MSI2: variants seen among roughly 807,000 people sequenced by gnomAD.
MSI2 encodes musashi RNA binding protein 2.
A neutral mutation model predicts 45.6 loss-of-function variants in MSI2; 17 were observed. The ratio of observed to expected loss-of-function variants is 0.37; its 90% CI spans 0.26 to 0.56. MSI2 has a LOEUF of 0.56. Among genes scored for constraint, MSI2 ranks in the 20% least tolerant of loss-of-function variants. The pLI is 0.77. For missense variants in MSI2, 293 were observed against 444.2 expected (o/e 0.66, Z 3.06); for synonymous variants, 156 against 158.2 (o/e 0.99, Z 0.11).
chr17:57,635,658 C>T (rs1377433052), intron 10 of MSI2, among the ~76,000 whole-genome samples: 1 of 152,088 alleles, frequency 6.6e-6, no homozygotes, highest in Admixed American at 6.5e-5. Flanking sequence ...GGCAGCACAG[C>T]TCCCCAGGCA....
At chr17:57,507,293 C>T (rs973339584) in intron 6 of MSI2, among the ~76,000 whole-genome samples, 3 of 147,180 alleles carry the variant, frequency 2.0e-5, no homozygotes, top group South Asian at 2.2e-4. Context: ...CCCCCACCCC[C>T]GACAATGACT....
intron 10 of MSI2, among the ~76,000 whole-genome samples, chr17:57,651,544 G>A (rs1044827137): frequency 6.6e-6 from 1 of 152,246 alleles, no homozygotes; most frequent in Non-Finnish European, 1.5e-5. Context: ...CTGACTTCAT[G>A]TTTTGACAAA....
At chr17:57,256,292 C>A (rs1906700891), upstream of MSI2, among the ~76,000 whole-genome samples, 1 of 151,564 alleles carries the variant, frequency 6.6e-6, no homozygotes, top group Non-Finnish European at 1.5e-5. Flanking sequence ...CCCCTCCGCC[C>A]GCGGGGTTCG....
At chr17:57,320,978 T>TC (rs1189961064) in intron 5 of MSI2, among the ~76,000 whole-genome samples, 6 of 151,892 alleles carry the variant, frequency 4.0e-5, no homozygotes, top group African/African-American at 1.5e-4. Flanking sequence ...CCCTCCTTGT[T>TC]CCCCTCCTAC....
At chr17:57,334,062 G>A (rs766241335) in intron 5 of MSI2, among the ~76,000 whole-genome samples, 7 of 152,098 alleles carry the variant, frequency 4.6e-5, no homozygotes, top group Non-Finnish European at 8.8e-5. Flanking sequence ...GTCTCCTCCT[G>A]TCCTTCCCCC....
chr17:57,459,032 A>G (rs2085172291), intron 6 of MSI2, among the ~76,000 whole-genome samples: 1 of 152,154 alleles, frequency 6.6e-6, no homozygotes, highest in Non-Finnish European at 1.5e-5. Flanking sequence ...TCTTTGTAAG[A>G]GCTGGATGGA....
chr17:57,588,880 G>T (rs1904556460), intron 7 of MSI2, among the ~76,000 whole-genome samples: 1 of 152,140 alleles, frequency 6.6e-6, no homozygotes, highest in Non-Finnish European at 1.5e-5. Context: ...GAGAACACAG[G>T]GTCCCACTGG....
chr17:57,397,486 C>T (rs978701880), intron 5 of MSI2, among the ~76,000 whole-genome samples: 6 of 152,200 alleles, frequency 3.9e-5, no homozygotes, highest in African/African-American at 1.2e-4. Context: ...GATGGGAATT[C>T]GAGGACCTCC....
Position 57,345,022 on chromosome 17 carries a change from C to G in MSI2, c.313-56357C>G, listed in dbSNP as rs1319144240. Among the ~76,000 whole-genome samples the G allele has an allele frequency of 2.0e-5, 3 of 152,198 alleles. No homozygotes were observed. In the East Asian group the frequency reaches 5.8e-4, roughly 29 times the overall value. ...AGCTTGCAGTGAGCCGAGATTGTGC[C>G]ACTGTACTCCAGCCTGGGCGACAGG... On this transcript the variant is annotated intron_variant, in intron 5 of 13. Coordinates refer to ENST00000284073, the MANE Select transcript of MSI2 (RefSeq NM_138962.4).
intron 5 of MSI2, among the ~76,000 whole-genome samples, chr17:57,357,719 G>T (rs1400988381): frequency 1.3e-5 from 2 of 152,208 alleles, no homozygotes; most frequent in Non-Finnish European, 2.9e-5. Flanking sequence ...GGGCTTTTGT[G>T]TATGTGTCGT....
chr17:57,409,970 T>C (rs973261504), intron 6 of MSI2, among the ~76,000 whole-genome samples: 1 of 124,054 alleles, frequency 8.1e-6, no homozygotes, highest in African/African-American at 3.0e-5. Flanking sequence ...ATCGTGCCAC[T>C]GCACTCTAGC....
At chr17:57,514,083 A>T (rs963122711) in intron 6 of MSI2, among the ~76,000 whole-genome samples, 9 of 152,148 alleles carry the variant, frequency 5.9e-5, no homozygotes, top group African/African-American at 2.2e-4. Context: ...GATTTCAACA[A>T]GAATTTGTCT....
chr17:57,665,866 C>G lies in MSI2; in HGVS notation c.791-9106C>G, dbSNP rs117267323. On this transcript the variant is annotated intron_variant, in intron 11 of 13. Transcript: ENST00000284073. ...CCTCTGGCAGTGCCCTCTCTGCTTC[C>G]ACGCTGACCCCACCAGTACTGCAAG... 9.0e-4 allele frequency among the ~76,000 whole-genome samples: 137 copies of G among 152,294 alleles called. 1 individual carries two copies. The highest frequency in any genetic ancestry group is 1.6e-3 in the Non-Finnish European group (112 of 68,026).
rs532733469 is a variant in MSI2 at position 57,529,176 on chromosome 17, C to G, written c.406-500C>G. ...CCAGGCCTGGAGCAGTGGCTCACAC[C>G]TATAATCTCAGCGCTTTGAAAGGCT... On this transcript the variant is annotated intron_variant, in intron 6 of 13. Transcript: ENST00000284073. This position sits in a 1 kb window ranked among gnomAD's most constrained non-coding sequence, Gnocchi z 5.3. 1.8e-4 allele frequency among the ~76,000 whole-genome samples: 27 copies of G among 152,178 alleles called. No homozygotes were observed. In the East Asian group the frequency reaches 5.2e-3, roughly 29 times the overall value.
downstream of MSI2, among the ~76,000 whole-genome samples, chr17:57,688,329 G>GA (rs1294067522): frequency 1.3e-5 from 2 of 152,040 alleles, no homozygotes; most frequent in Non-Finnish European, 2.9e-5. Context: ...AAGATGGCTG[G>GA]ATGTAAGATA....
intron 5 of MSI2, among the ~76,000 whole-genome samples, chr17:57,263,100 T>C (rs1294900829): frequency 6.6e-6 from 1 of 152,190 alleles, no homozygotes; most frequent in East Asian, 1.9e-4. Flanking sequence ...GCAAATTCAG[T>C]TTATTTCTTT....
intron 7 of MSI2, among the ~76,000 whole-genome samples, chr17:57,578,264 TG>T (rs1298812863): frequency 6.6e-6 from 1 of 152,234 alleles, no homozygotes; most frequent in African/African-American, 2.4e-5. Flanking sequence ...TACAGTTGTT[TG>T]AGTGCTTCTC....
chr17:57,492,945 A>G (rs564101734), intron 6 of MSI2, among the ~76,000 whole-genome samples: 2 of 152,172 alleles, frequency 1.3e-5, no homozygotes, highest in African/African-American at 4.8e-5. Context: ...TCCATTTTCC[A>G]TCAGTTTTCC....
chr17:57,404,779 G>T (rs758810450), intron 6 of MSI2, among the ~76,000 whole-genome samples: 1 of 152,126 alleles, frequency 6.6e-6, no homozygotes, highest in Non-Finnish European at 1.5e-5. Flanking sequence ...TAAGTGGAGT[G>T]GGTACAGAGT....
Sources: allele counts gnomAD v4.1 joint callset (sites outside exome capture counted in the v4.1 genomes callset), GRCh38; gene constraint gnomAD v4.1.1; non-coding constraint Gnocchi (gnomAD v3.1); transcripts MANE v1.5; gene names NCBI Gene and HGNC (gene_info 2026-07-23, HGNC 2026-07-21).